The following C17orf75 variants were observed in gnomAD, a reference collection of about 807,000 sequenced individuals.
C17orf75 encodes chromosome 17 open reading frame 75.
C17orf75 carries 32 observed loss-of-function variants against 49.6 expected under a neutral mutation model. The ratio of observed to expected loss-of-function variants is 0.65; its 90% CI spans 0.49 to 0.87. The LOEUF (loss-of-function observed/expected upper bound fraction) is 0.87, where lower values mean the gene tolerates loss of function less well. Among genes scored for constraint, C17orf75 ranks in the 40% least tolerant of loss-of-function variants. The probability of loss-of-function intolerance (pLI) is 0.00; values close to 1 mark genes in which losing one functional copy is unlikely to be tolerated. For missense variants in C17orf75, 428 were observed against 473.9 expected (o/e 0.90, Z 0.90); for synonymous variants, 158 against 159.5 (o/e 0.99, Z 0.07).
intron 1 of C17orf75, among the ~76,000 whole-genome samples, chr17:32,347,344 T>A (rs1597741737): frequency 6.6e-6 from 1 of 151,554 alleles, no homozygotes; most frequent in East Asian, 1.9e-4. Context: ...AATGGCGCAA[T>A]CTCGGCTCAC....
At chr17:32,343,817 T>G (rs796248078), upstream of C17orf75, 1 of 671,532 alleles carries the variant, frequency 1.5e-6, no homozygotes, top group South Asian at 1.5e-5. Flanking sequence ...AGATCGGCAG[T>G]AGTCTCTTGA....
intron 1 of C17orf75, among the ~76,000 whole-genome samples, chr17:32,348,163 G>A (rs955488430): frequency 2.5e-4 from 38 of 151,810 alleles, no homozygotes; most frequent in South Asian, 2.1e-4. Flanking sequence ...GATTACAGGC[G>A]TGCCCCACCA....
upstream of C17orf75, chr17:32,343,770 G>A: frequency 1.6e-6 from 1 of 637,470 alleles, no homozygotes; most frequent in Non-Finnish European, 2.8e-6. Context: ...TTTAAAAGAG[G>A]ATTCTGATTG....
chr17:32,341,262 TG>T lies in C17orf75; in HGVS notation c.162del (p.Asp54GlufsTer62). ...RGSRLAQQRG[D>X]SEDGSPSGTN... ...GTGCCACTTGGGCTTCCGTCCTCAC[TG>T]TCCCCTCGTTGCTGTGCCAATCTAC... On this transcript the variant is annotated frameshift_variant, in exon 2 of 10. Coordinates refer to ENST00000577809, the MANE Select transcript of C17orf75 (RefSeq NM_022344.4). LOFTEE classifies it high-confidence loss of function. The T allele has an allele frequency of 6.2e-7, 1 of 1,614,006 alleles. No homozygotes were observed. Among genetic ancestry groups the T allele is most frequent in the African/African-American group, 1.3e-5 (1 of 75,062 alleles).
upstream of C17orf75, chr17:32,342,326 A>G: frequency 1.0e-6 from 1 of 953,268 alleles, no homozygotes; most frequent in Admixed American, 4.1e-5. Context: ...TGACAGGCGT[A>G]CTGAGTTCGC....
chr17:32,348,867 C>CTTTTTTTTTTTTTTTTTTTTT, intron 1 of C17orf75, among the ~76,000 whole-genome samples: 1 of 108,848 alleles, frequency 9.2e-6, no homozygotes, highest in Non-Finnish European at 1.8e-5. Context: ...CAGCTCCAGT[C>CTTTTTTTTTTTTTTTTTTTTT]TTTTTTTTTT....
chr17:32,331,971 T>C lies in C17orf75; in HGVS notation c.983A>G (p.Gln328Arg). 1 of 1,609,042 alleles carries C rather than the reference T, an allele frequency of 6.2e-7. No individual in the cohort carries two copies. Among genetic ancestry groups the C allele is most frequent in the South Asian group, 1.1e-5 (1 of 90,686 alleles). The change falls in exon 10 of 10, where the codon CAA becomes CGA. Residue 328 changes from glutamine to arginine, a missense_variant. Coordinates refer to ENST00000577809, the MANE Select transcript of C17orf75 (RefSeq NM_022344.4). ...VLENFKLKAI[Q>R]DTNNLKRFIR... ...AAATCTCTTCAAATTGTTTGTGTCT[T>C]GTATGGCCTAGAAAATGATTACCCA...
upstream of C17orf75, among the ~76,000 whole-genome samples, chr17:32,346,646 C>T (rs994582571): frequency 1.3e-5 from 2 of 152,074 alleles, no homozygotes; most frequent in Admixed American, 6.6e-5. Context: ...GATCTCGGCT[C>T]ACTGCAACCT....
At chr17:32,338,451 C>T (rs2041346987) in intron 3 of C17orf75, 100 bp from the exon 4 acceptor site, 3 of 1,177,280 alleles carry the variant, frequency 2.5e-6, no homozygotes, top group Non-Finnish European at 3.5e-6. Context: ...TCTGGCAACA[C>T]CATTAAACTG....
chr17:32,334,770 T>A lies in C17orf75; in HGVS notation c.734+5A>T. The A allele has an allele frequency of 6.3e-7, 1 of 1,596,852 alleles. No individual in the cohort carries two copies. Among genetic ancestry groups the A allele is most frequent in the Non-Finnish European group, 8.5e-7 (1 of 1,170,102 alleles). ...GCTTTTCTCTTTGAAAAAACTGTTC[T>A]TTACCTGTTAATGTCTCTCTTTGTT... On this transcript the variant is annotated splice_donor_5th_base_variant and intron_variant, in intron 7 of 9. Transcript: ENST00000577809.
chr17:32,329,372 TA>T lies in C17orf75; in HGVS notation c.*2390del, dbSNP rs1349953170. 6.6e-6 allele frequency: 1 copy of T among 151,996 alleles called. No individual in the cohort carries two copies. The highest frequency in any genetic ancestry group is 2.4e-5 in the African/African-American group (1 of 41,378). 9.4% of individuals were successfully genotyped at this position (151,996 alleles called of 1,614,324 possible). A position where few individuals can be genotyped will look rare whatever the true frequency, so the allele number is the denominator to read the frequency against. On this transcript the variant is annotated 3_prime_UTR_variant, in exon 10 of 10. Coordinates refer to ENST00000577809, the MANE Select transcript of C17orf75 (RefSeq NM_022344.4). ...TGAGCCACCACACCCAGCCCAGACT[TA>T]CTTTTTTTAAAATAAGACTACCAGA...
intron 1 of C17orf75, chr17:32,349,927 T>C (rs2041468400): frequency 2.8e-6 from 3 of 1,089,780 alleles, no homozygotes; most frequent in Non-Finnish European, 3.4e-6. Flanking sequence ...TCCATTCGCA[T>C]GCCCCTTAGC....
At position 32,330,773 on chromosome 17, in the gene C17orf75, G is replaced by A. The variant is rs2041266406; in HGVS notation, c.*990C>T. On this transcript the variant is annotated 3_prime_UTR_variant, in exon 10 of 10. Transcript: ENST00000577809. ...GCATTTTCACCTAAAAGAAAACACA[G>A]GCTCTTCATAAATACCTGTGAACAA... 6.6e-6 allele frequency: 1 copy of A among 152,128 alleles called. No individual in the cohort carries two copies. The highest frequency in any genetic ancestry group is 2.4e-5 in the African/African-American group (1 of 41,414). The allele number at this position is 152,128 out of a possible 1,614,324, so 9.4% of individuals were successfully genotyped here. A position where few individuals can be genotyped will look rare whatever the true frequency, so the allele number is the denominator to read the frequency against.
chr17:32,342,271 G>C, upstream of C17orf75: 3 of 1,358,320 alleles, frequency 2.2e-6, no homozygotes, highest in Non-Finnish European at 2.9e-6. Flanking sequence ...CGGGTTCGCA[G>C]GCAAGGACTG....
upstream of C17orf75, chr17:32,343,894 G>A: frequency 4.4e-6 from 3 of 680,016 alleles, no homozygotes; most frequent in Non-Finnish European, 8.1e-6. Context: ...CAGTCATGAG[G>A]ATGGTAGAAA....
intron 1 of C17orf75, 111 bp from the exon 2 acceptor site, chr17:32,341,395 T>TGGAA (rs897453374): frequency 2.9e-5 from 30 of 1,037,310 alleles, no homozygotes; most frequent in Admixed American, 3.5e-5. Context: ...TGCTGCAAGG[T>TGGAA]GGAAGTGCAC....
Position 32,330,222 on chromosome 17 carries a change from A to C in C17orf75, c.*1541T>G, listed in dbSNP as rs971899175. 2 of 152,310 alleles carry C rather than the reference A, an allele frequency of 1.3e-5. No homozygotes were observed. The highest frequency in any genetic ancestry group is 3.4e-3 in the Middle Eastern group (1 of 294). The allele number at this position is 152,310 out of a possible 1,614,324, so 9.4% of individuals were successfully genotyped here. ...ACATTCCAAGTTATTAAAGTTTAAAACCGTATGAAAGCATTTATGAAGATT... is the reference window on the plus strand; with the variant it reads ...ACATTCCAAGTTATTAAAGTTTAAACCCGTATGAAAGCATTTATGAAGATT... On this transcript the variant is annotated 3_prime_UTR_variant, in exon 10 of 10. Coordinates refer to ENST00000577809, the MANE Select transcript of C17orf75 (RefSeq NM_022344.4).
chr17:32,346,825 A>C (rs2041428896), upstream of C17orf75, among the ~76,000 whole-genome samples: 1 of 152,168 alleles, frequency 6.6e-6, no homozygotes, highest in African/African-American at 2.4e-5. Context: ...CGCCTGCCTA[A>C]GCCTCCCAAC....
intron 2 of C17orf75, among the ~76,000 whole-genome samples, chr17:32,340,613 CCA>C (rs1237773190): frequency 6.6e-6 from 1 of 151,214 alleles, no homozygotes; most frequent in African/African-American, 2.4e-5. Context: ...CCACTGCACT[CCA>C]GACTGGGCAA....
Sources: gnomAD v4.1 joint callset for allele counts (sites outside exome capture counted in the v4.1 genomes callset) on GRCh38, gnomAD v4.1.1 for gene constraint, MANE v1.5 for transcripts, NCBI Gene and HGNC (gene_info 2026-07-23, HGNC 2026-07-21) for gene names.